The following CEP128 variants were observed in gnomAD, a reference collection of about 807,000 sequenced individuals.
CEP128 encodes centrosomal protein 128, also known as centrosomal protein 128kDa.
In CEP128, 132 loss-of-function variants were observed where a neutral mutation model predicts 156.7. The observed-to-expected ratio is 0.84, with a 90% CI of 0.73 to 0.97. CEP128 has a LOEUF of 0.97. Among genes scored for constraint, CEP128 ranks in the 50% least tolerant of loss-of-function variants. The pLI, the probability that CEP128 is intolerant of heterozygous loss-of-function variation, is 0.00. For missense variants in CEP128, 1,252 were observed against 1,281.9 expected, an observed-to-expected ratio of 0.98 and a Z score of 0.36; for synonymous variants, 469 against 448.9, an observed-to-expected ratio of 1.04 and a Z score of -0.57.
chr14:80,595,181 T>C (rs1892260740), intron 19 of CEP128, among the ~76,000 whole-genome samples: 1 of 152,154 alleles, frequency 6.6e-6, no homozygotes, highest in South Asian at 2.1e-4. Context: ...GGGACATGGA[T>C]GAAGTGGGAA....
intron 8 of CEP128, among the ~76,000 whole-genome samples, chr14:80,878,498 C>T (rs1449305169): frequency 2.0e-5 from 3 of 152,196 alleles, no homozygotes; most frequent in African/African-American, 4.8e-5. Flanking sequence ...ACTACCATAT[C>T]CCACCATCTT....
intron 20 of CEP128, among the ~76,000 whole-genome samples, chr14:80,573,089 A>ATTTTT (rs34024851): frequency 1.2e-4 from 18 of 144,812 alleles, no homozygotes; most frequent in African/African-American, 2.8e-4. Flanking sequence ...CGCCTGACTA[A>ATTTTT]TTTTTTTTTT....
At chr14:80,686,908 G>A (rs1478701271) in intron 19 of CEP128, among the ~76,000 whole-genome samples, 2 of 152,098 alleles carry the variant, frequency 1.3e-5, no homozygotes, top group Non-Finnish European at 2.9e-5. Flanking sequence ...AAATATATCT[G>A]CACCCAATGC....
At chr14:80,816,207 C>T (rs1165294556) in intron 13 of CEP128, among the ~76,000 whole-genome samples, 1 of 152,152 alleles carries the variant, frequency 6.6e-6, no homozygotes, top group Non-Finnish European at 1.5e-5. Flanking sequence ...ATCCTGTCCC[C>T]TCCCAACTCA....
chr14:80,756,391 G>A (rs1899660630), intron 18 of CEP128, among the ~76,000 whole-genome samples: 1 of 152,110 alleles, frequency 6.6e-6, no homozygotes. Context: ...TCCCACCCAT[G>A]TCTTACTCAC....
chr14:80,856,503 G>A (rs1887165645), intron 9 of CEP128, among the ~76,000 whole-genome samples: 1 of 151,874 alleles, frequency 6.6e-6, no homozygotes, highest in Non-Finnish European at 1.5e-5. Context: ...AATTAGCTGG[G>A]TGTAATGGTG....
exon 7 of CEP128, chr14:80,490,549 C>T (rs1887290262): frequency 1.3e-5 from 2 of 152,084 alleles, no homozygotes; most frequent in Admixed American, 1.3e-4. Context: ...ATACTATAGG[C>T]CCTGATTTAA....
intron 23 of CEP128, among the ~76,000 whole-genome samples, chr14:80,509,470 T>C (rs1594928136): frequency 6.6e-6 from 1 of 152,372 alleles, no homozygotes; most frequent in Non-Finnish European, 1.5e-5. Context: ...TTTTGCCTGT[T>C]TTAAAATCAA....
At chr14:80,744,264 T>C (rs1898984002) in intron 18 of CEP128, among the ~76,000 whole-genome samples, 1 of 152,154 alleles carries the variant, frequency 6.6e-6, no homozygotes, top group Admixed American at 6.6e-5. Flanking sequence ...TTCAGTCAAG[T>C]CTTAGGACCT....
intron 2 of CEP128, among the ~76,000 whole-genome samples, chr14:80,952,005 A>T (rs1886476025): frequency 6.6e-6 from 1 of 152,136 alleles, no homozygotes. Context: ...AATTGCATGA[A>T]GAAAAACCTG....
intron 9 of CEP128, among the ~76,000 whole-genome samples, chr14:80,858,210 G>A (rs531450900): frequency 7.6e-4 from 111 of 145,460 alleles, no homozygotes; most frequent in African/African-American, 2.7e-3. Flanking sequence ...ATAGATCAAT[G>A]GAACAGAACA....
At chr14:80,508,193 G>A (rs1441430647) in intron 23 of CEP128, among the ~76,000 whole-genome samples, 1 of 152,228 alleles carries the variant, frequency 6.6e-6, no homozygotes, top group Non-Finnish European at 1.5e-5. Context: ...TGGGATTACA[G>A]GCGTGAGCCA....
chr14:80,571,313 T>C, intron 20 of CEP128, among the ~76,000 whole-genome samples: 1 of 152,330 alleles, frequency 6.6e-6, no homozygotes, highest in Non-Finnish European at 1.5e-5. Flanking sequence ...GAACTAGGGA[T>C]TTCTATTACA....
At chr14:80,673,360 C>T (rs950372731) in intron 19 of CEP128, among the ~76,000 whole-genome samples, 4 of 152,114 alleles carry the variant, frequency 2.6e-5, no homozygotes, top group African/African-American at 9.7e-5. Context: ...TGCACTAAAG[C>T]AGGCCGGGCG....
intron 21 of CEP128, among the ~76,000 whole-genome samples, chr14:80,538,427 T>G (rs1889584072): frequency 6.6e-6 from 1 of 152,236 alleles, no homozygotes; most frequent in Admixed American, 6.5e-5. Flanking sequence ...TCCTTCCAAT[T>G]TCCTTATCCA....
At chr14:80,650,169 T>C (rs111720404) in intron 19 of CEP128, among the ~76,000 whole-genome samples, 3,336 of 152,240 alleles carry the variant, frequency 0.022, 134 homozygotes, top group African/African-American at 0.076. Flanking sequence ...TTTTATTCTC[T>C]TTGCAGCAAT....
At chr14:80,771,200 A>G (rs1440808400) in intron 16 of CEP128, among the ~76,000 whole-genome samples, 2 of 152,212 alleles carry the variant, frequency 1.3e-5, no homozygotes, top group African/African-American at 4.8e-5. Flanking sequence ...AGACCAAAAA[A>G]TAAGAGTATA....
At chr14:80,674,262 T>C (rs1178633086) in intron 19 of CEP128, among the ~76,000 whole-genome samples, 3 of 152,114 alleles carry the variant, frequency 2.0e-5, no homozygotes, top group Non-Finnish European at 4.4e-5. Context: ...ATGGACACCA[T>C]GCTTAGAGTA....
chr14:80,736,525 C>A (rs1244012133), intron 19 of CEP128, among the ~76,000 whole-genome samples: 1 of 152,090 alleles, frequency 6.6e-6, no homozygotes, highest in Non-Finnish European at 1.5e-5. Context: ...CACATACACA[C>A]ACACACACAC....
Sources: allele counts gnomAD v4.1 joint callset (sites outside exome capture counted in the v4.1 genomes callset), GRCh38; gene constraint gnomAD v4.1.1; transcripts MANE v1.5; gene names NCBI Gene and HGNC (gene_info 2026-07-23, HGNC 2026-07-21).